SGCZ: variants seen among roughly 807,000 people sequenced by gnomAD.
The protein encoded by SGCZ is sarcoglycan zeta, also known as zeta-sarcoglycan.
A neutral mutation model predicts 41.3 loss-of-function variants in SGCZ; 40 were observed. That is an observed-to-expected ratio of 0.97 (90% CI 0.75 to 1.26). The LOEUF (loss-of-function observed/expected upper bound fraction) is 1.26, where lower values mean the gene tolerates loss of function less well. Ranked by LOEUF, SGCZ falls within the 50% of genes most tolerant of loss-of-function variation. The pLI is 0.00. For missense variants in SGCZ, 552 were observed against 369.8 expected (o/e 1.49, Z -4.04); for synonymous variants, 206 against 137.5 (o/e 1.50, Z -3.49).
At chr8:15,137,283 T>C (rs568573724) in intron 1 of SGCZ, among the ~76,000 whole-genome samples, 31 of 152,222 alleles carry the variant, frequency 2.0e-4, no homozygotes, top group African/African-American at 7.0e-4. Flanking sequence ...GTGGAAAAGA[T>C]TTAAGAGGAA....
chr8:14,259,762 T>C (rs1368914530), intron 3 of SGCZ, among the ~76,000 whole-genome samples: 7 of 150,464 alleles, frequency 4.7e-5, no homozygotes, highest in Non-Finnish European at 7.4e-5. Context: ...CCAGCTTTGT[T>C]CTTTTGGCTT....
intron 1 of SGCZ, among the ~76,000 whole-genome samples, chr8:15,085,702 C>T (rs1010798809): frequency 1.3e-5 from 2 of 152,218 alleles, no homozygotes; most frequent in Non-Finnish European, 2.9e-5. Context: ...GGATATTCTA[C>T]CCACCAACTT....
chr8:15,124,568 T>C (rs1380601911), intron 1 of SGCZ, among the ~76,000 whole-genome samples: 1 of 152,156 alleles, frequency 6.6e-6, no homozygotes, highest in Non-Finnish European at 1.5e-5. Context: ...ATACTCAAAA[T>C]ACTGGAATAG....
chr8:14,190,605 CTTTT>C (rs1296497157), intron 4 of SGCZ, among the ~76,000 whole-genome samples: 4 of 151,446 alleles, frequency 2.6e-5, no homozygotes, highest in Non-Finnish European at 4.4e-5. Context: ...CTCTTAATTT[CTTTT>C]TTTGTTTTTT....
intron 2 of SGCZ, among the ~76,000 whole-genome samples, chr8:14,383,295 T>G (rs1804439337): frequency 6.6e-6 from 1 of 152,238 alleles, no homozygotes; most frequent in African/African-American, 2.4e-5. Flanking sequence ...AAGAGACATT[T>G]TGCTAAATTA....
At chr8:14,414,620 T>C (rs905174435) in intron 2 of SGCZ, among the ~76,000 whole-genome samples, 12 of 152,094 alleles carry the variant, frequency 7.9e-5, no homozygotes, top group Non-Finnish European at 7.4e-5. Flanking sequence ...ATGTGTGATA[T>C]GTCACCTCCA....
rs951467580 is a variant in SGCZ at position 14,089,699 on chromosome 8, C to G, written c.*744G>C. Reference sequence around the variant, plus strand: ...GTCACATGCAGTAGCCATGTAAATACTATATAAGGCCATCCAGATCTGACC... The same window carrying G: ...GTCACATGCAGTAGCCATGTAAATAGTATATAAGGCCATCCAGATCTGACC... On this transcript the variant is annotated 3_prime_UTR_variant, in exon 8 of 8. Transcript: ENST00000382080. Among the ~76,000 whole-genome samples, 2 of 151,930 alleles carry G rather than the reference C, an allele frequency of 1.3e-5. No homozygotes were observed. Among genetic ancestry groups the G allele is most frequent in the Non-Finnish European group, 2.9e-5 (2 of 67,952 alleles).
chr8:14,308,753 C>G (rs1001558717), intron 3 of SGCZ, among the ~76,000 whole-genome samples: 3 of 151,872 alleles, frequency 2.0e-5, no homozygotes, highest in Non-Finnish European at 4.4e-5. Context: ...CGGTACCATG[C>G]CATTAATAAA....
At chr8:15,070,947 T>C (rs745921344) in intron 1 of SGCZ, among the ~76,000 whole-genome samples, 38 of 152,166 alleles carry the variant, frequency 2.5e-4, no homozygotes, top group Admixed American at 4.6e-4. Context: ...GGAGAAATAA[T>C]CTCTTAGTAG....
chr8:14,423,010 A>AGT (rs1422641780), intron 2 of SGCZ, among the ~76,000 whole-genome samples: 2 of 152,184 alleles, frequency 1.3e-5, no homozygotes, highest in African/African-American at 2.4e-5. Flanking sequence ...CCTGGGCAAC[A>AGT]GTGTGAGACC....
At chr8:14,540,846 A>AT (rs555827849) in intron 2 of SGCZ, among the ~76,000 whole-genome samples, 3 of 151,654 alleles carry the variant, frequency 2.0e-5, no homozygotes, top group Non-Finnish European at 2.9e-5. Context: ...CACATGTTCA[A>AT]TTTTGGAGAT....
chr8:14,661,876 T>C (rs987629549), intron 1 of SGCZ, among the ~76,000 whole-genome samples: 1 of 152,140 alleles, frequency 6.6e-6, no homozygotes, highest in Admixed American at 6.6e-5. Flanking sequence ...TAATTTATCT[T>C]TGGCTTGTCC....
intron 1 of SGCZ, among the ~76,000 whole-genome samples, chr8:14,663,633 T>A (rs895806865): frequency 6.6e-6 from 1 of 152,184 alleles, no homozygotes; most frequent in Non-Finnish European, 1.5e-5. Context: ...ACCTGGAACA[T>A]TGTATTTGCT....
intron 2 of SGCZ, among the ~76,000 whole-genome samples, chr8:14,426,643 C>G (rs1235456627): frequency 1.3e-5 from 2 of 151,978 alleles, no homozygotes; most frequent in Non-Finnish European, 2.9e-5. Context: ...TTCAGCTGAA[C>G]CAAGAGCCAG....
intron 1 of SGCZ, among the ~76,000 whole-genome samples, chr8:14,945,724 T>C (rs545898035): frequency 6.6e-6 from 1 of 151,574 alleles, no homozygotes; most frequent in East Asian, 2.0e-4. Context: ...AAAGGGGAAT[T>C]CTCTTTCTCC....
At chr8:14,560,780 A>G (rs562226857) in intron 1 of SGCZ, among the ~76,000 whole-genome samples, 4 of 152,226 alleles carry the variant, frequency 2.6e-5, no homozygotes, top group Admixed American at 6.5e-5. Context: ...AGCAACAGAG[A>G]TTTGGTAACT....
intron 1 of SGCZ, among the ~76,000 whole-genome samples, chr8:14,610,622 G>T (rs1172227286): frequency 6.6e-6 from 1 of 152,094 alleles, no homozygotes; most frequent in Non-Finnish European, 1.5e-5. Flanking sequence ...CACACTAAGA[G>T]GACAGAGATA....
intron 1 of SGCZ, among the ~76,000 whole-genome samples, chr8:15,173,849 C>T (rs984320634): frequency 5.9e-5 from 9 of 152,066 alleles, no homozygotes; most frequent in African/African-American, 2.2e-4. Flanking sequence ...AAGTGATCCT[C>T]CTGCCTCAGT....
intron 2 of SGCZ, among the ~76,000 whole-genome samples, chr8:14,416,171 C>T (rs1799487634): frequency 6.6e-6 from 1 of 151,856 alleles, no homozygotes; most frequent in Admixed American, 6.6e-5. Context: ...CACGCACACA[C>T]TCACACACAC....
Sources: gnomAD v4.1 joint callset for allele counts (sites outside exome capture counted in the v4.1 genomes callset) on GRCh38, gnomAD v4.1.1 for gene constraint, MANE v1.5 for transcripts, NCBI Gene and HGNC (gene_info 2026-07-23, HGNC 2026-07-21) for gene names.